CLVS1: variants seen among roughly 807,000 people sequenced by gnomAD.
CLVS1 encodes the protein clavesin-1.
CLVS1 carries 10 observed loss-of-function variants against 33.1 expected under a neutral mutation model. The observed-to-expected ratio is 0.30, with a 90% confidence interval of 0.19 to 0.51. The LOEUF is 0.51. Ranked by LOEUF, CLVS1 falls within the 20% of genes least tolerant of loss-of-function variation. CLVS1 has a pLI of 0.97. For missense variants in CLVS1, 343 were observed against 433.4 expected (o/e 0.79, Z 1.85); for synonymous variants, 163 against 166.1 (o/e 0.98, Z 0.14).
chr8:61,027,842 C>T, the CLVS1 span, among the ~76,000 whole-genome samples: 1 of 152,202 alleles, frequency 6.6e-6, no homozygotes, highest in Admixed American at 6.5e-5. Flanking sequence ...CATGATGTCA[C>T]ATGATTTAAG....
the CLVS1 span, among the ~76,000 whole-genome samples, chr8:61,032,082 T>C: frequency 6.6e-6 from 1 of 152,118 alleles, no homozygotes; most frequent in African/African-American, 2.4e-5. Context: ...TGGGAACAGG[T>C]TGTACAACCC....
chr8:61,434,863 A>G lies in CLVS1; in HGVS notation c.631-19278A>G, dbSNP rs535897346. 7.9e-5 allele frequency among the ~76,000 whole-genome samples: 12 copies of G among 152,244 alleles called. No individual in the cohort carries two copies. In the South Asian group the frequency reaches 2.5e-3, roughly 32 times the overall value. On this transcript the variant is annotated intron_variant, in intron 3 of 5. Transcript: ENST00000325897. ...CGGGTCTAGAGAGAAAGGAAGGAAAACAAAGAGGGAAGGGGATTCTCTATA... is the reference window on the plus strand; with the variant it reads ...CGGGTCTAGAGAGAAAGGAAGGAAAGCAAAGAGGGAAGGGGATTCTCTATA...
At chr8:61,204,634 C>T (rs1162495483) in intron 2 of CLVS1, among the ~76,000 whole-genome samples, 1 of 152,138 alleles carries the variant, frequency 6.6e-6, no homozygotes. Flanking sequence ...AAAAGAATTT[C>T]ATAGAACAAA....
chr8:61,256,341 T>C (rs1197395974), intron 2 of CLVS1, among the ~76,000 whole-genome samples: 1 of 152,144 alleles, frequency 6.6e-6, no homozygotes, highest in African/African-American at 2.4e-5. Flanking sequence ...GGTGAAACCC[T>C]GTCTGTACTA....
intron 2 of CLVS1, among the ~76,000 whole-genome samples, chr8:61,157,377 CACAAGAATCA>C (rs1173038263): frequency 6.6e-6 from 1 of 152,140 alleles, no homozygotes; most frequent in Non-Finnish European, 1.5e-5. Context: ...TCTAGCCATA[CACAAGAATCA>C]ACTGAAGATG....
intron 2 of CLVS1, among the ~76,000 whole-genome samples, chr8:61,219,722 AT>A (rs1250014750): frequency 5.9e-5 from 9 of 152,208 alleles, no homozygotes; most frequent in African/African-American, 2.2e-4. Flanking sequence ...AGGAATTGTC[AT>A]ACTGTCTTCC....
At chr8:61,206,710 T>C (rs1442101581) in intron 2 of CLVS1, among the ~76,000 whole-genome samples, 1 of 151,254 alleles carries the variant, frequency 6.6e-6, no homozygotes, top group Non-Finnish European at 1.5e-5. Context: ...TGCCTCAGCC[T>C]CCCGAGTAGC....
At position 61,107,734 on chromosome 8, in the gene CLVS1, C is replaced by A. The variant is rs115671201; in HGVS notation, c.-242-24036C>A. 8.1e-3 allele frequency among the ~76,000 whole-genome samples: 1,235 copies of A among 152,354 alleles called. 12 individuals carry two copies. Among genetic ancestry groups the A allele is most frequent in the African/African-American group, 0.028 (1,169 of 41,584 alleles). ...CTCCCCATTGCGTTACTAAGCACAG[C>A]ACCTTTGTTTGCTGAATTGAACTAA... On this transcript the variant is annotated intron_variant, in intron 1 of 2. Transcript: ENST00000522621.
intron 2 of CLVS1, among the ~76,000 whole-genome samples, chr8:61,371,912 T>C (rs1423797839): frequency 6.6e-6 from 1 of 152,126 alleles, no homozygotes; most frequent in South Asian, 2.1e-4. Context: ...AAATCCTTTA[T>C]GGGGAAAAAA....
chr8:61,242,048 T>C (rs531185540), intron 2 of CLVS1, among the ~76,000 whole-genome samples: 1 of 152,204 alleles, frequency 6.6e-6, no homozygotes, highest in Non-Finnish European at 1.5e-5. Context: ...TAATACTTTT[T>C]TTTTTGTTCT....
chr8:60,994,695 C>T, the CLVS1 span, among the ~76,000 whole-genome samples: 18 of 152,130 alleles, frequency 1.2e-4, no homozygotes, highest in East Asian at 5.8e-4. Context: ...CTTGGCAATG[C>T]GGGCTCTTTT....
intron 5 of CLVS1, among the ~76,000 whole-genome samples, chr8:61,471,897 C>T (rs561718490): frequency 6.6e-6 from 1 of 152,366 alleles, no homozygotes; most frequent in South Asian, 2.1e-4. Context: ...CCGCCTAACT[C>T]CCTCCAAAGC....
At chr8:61,222,270 T>A (rs183700268) in intron 2 of CLVS1, among the ~76,000 whole-genome samples, 1 of 152,234 alleles carries the variant, frequency 6.6e-6, no homozygotes, top group East Asian at 1.9e-4. Flanking sequence ...TTAATTGTGA[T>A]GTTAGGGTGT....
rs1276374176 is a variant in CLVS1, at chr8:61,239,093, T to C, written c.-151-60584T>C. Among the ~76,000 whole-genome samples, 4 of 152,238 alleles carry C rather than the reference T, an allele frequency of 2.6e-5. No homozygotes were observed. The South Asian group carries it at 6.2e-4, about 24-fold the overall frequency. Reference sequence around the variant, plus strand: ...GACAGTTGAAAAATGGTATCTAATTTTTGTTTCAAAACAAAAAACTATACC... The same window carrying C: ...GACAGTTGAAAAATGGTATCTAATTCTTGTTTCAAAACAAAAAACTATACC... On this transcript the variant is annotated intron_variant, in intron 2 of 2. Transcript: ENST00000522621.
intron 1 of CLVS1, among the ~76,000 whole-genome samples, chr8:61,089,559 C>T (rs1563397928): frequency 6.6e-6 from 1 of 152,132 alleles, no homozygotes; most frequent in Admixed American, 6.6e-5. Flanking sequence ...GTTCAACTTG[C>T]CAGCAACGAG....
intron 2 of CLVS1, among the ~76,000 whole-genome samples, chr8:61,138,458 T>C (rs922663724): frequency 3.7e-4 from 56 of 152,238 alleles, no homozygotes; most frequent in Admixed American, 3.1e-3. Context: ...TAACTAAATG[T>C]CTAGCTAAAA....
In CLVS1 at chr8:61,499,382, A is replaced by C. The variant is rs138562368; in HGVS notation, c.978-73A>C. 1.3e-4 allele frequency: 127 copies of C among 1,015,292 alleles called. No homozygotes were observed. The East Asian group carries it at 3.1e-3, about 24-fold the overall frequency. 62.9% of individuals were successfully genotyped at this position (1,015,292 alleles called of 1,614,324 possible). On this transcript the variant is annotated intron_variant, in intron 5 of 5. Transcript: ENST00000325897. The stretch of plus-strand genomic sequence containing the variant: ...TTAAAAAGAGAAATATAAAATCCGG[A>C]TGTCTTCAAAGGTTCCAAAATTGTC...
chr8:61,429,651 G>A (rs1816037180), intron 3 of CLVS1, among the ~76,000 whole-genome samples: 1 of 152,100 alleles, frequency 6.6e-6, no homozygotes, highest in East Asian at 1.9e-4. Flanking sequence ...CCATAGCCAT[G>A]TGTATGTTTG....
chr8:61,030,497 TAC>T, the CLVS1 span, among the ~76,000 whole-genome samples: 1 of 151,906 alleles, frequency 6.6e-6, no homozygotes, highest in Non-Finnish European at 1.5e-5. Context: ...GGGCATATTC[TAC>T]ACACTCTGTG....
Sources: gnomAD v4.1 joint callset for allele counts (sites outside exome capture counted in the v4.1 genomes callset) on GRCh38, gnomAD v4.1.1 for gene constraint, MANE v1.5 for transcripts, NCBI Gene and HGNC (gene_info 2026-07-23, HGNC 2026-07-21) for gene names.